Variants in EIF3B observed in about 807,000 individuals in gnomAD.
EIF3B encodes the protein eukaryotic translation initiation factor 3 subunit B.
A neutral mutation model predicts 104.6 loss-of-function variants in EIF3B; 10 were observed. That is an observed-to-expected ratio of 0.10 (90% CI 0.06 to 0.16). The LOEUF (loss-of-function observed/expected upper bound fraction) is 0.16, where lower values mean the gene tolerates loss of function less well. EIF3B is among the 10% of genes least tolerant of loss of function. EIF3B has a pLI of 1.00. For synonymous variants in EIF3B, 542 were observed against 417.2 expected (o/e 1.30, Z -3.65); for missense variants, 1,014 against 1,087.9 (o/e 0.93, Z 0.96).
intron 10 of EIF3B, among the ~76,000 whole-genome samples, chr7:2,371,486 C>T (rs183878726): frequency 6.6e-6 from 1 of 152,172 alleles, no homozygotes; most frequent in South Asian, 2.1e-4. Context: ...AGTGTGGACC[C>T]TGGGACTGCT....
At position 2,378,763 on chromosome 7, in the gene EIF3B, A is replaced by G; in HGVS notation, c.2229A>G (p.Ser743=). ...QKDRLSQSKA[S]KELVERRRTM... Reference sequence around the variant, plus strand: ...ATCGTTTGAGTCAGTCCAAAGCCTCAAAGGTGAGCCTCATTCCCAAAATGA... The same window carrying G: ...ATCGTTTGAGTCAGTCCAAAGCCTCGAAGGTGAGCCTCATTCCCAAAATGA... Residue 743 remains serine, a synonymous_variant, in exon 16 of 19, where the codon TCA becomes TCG. Transcript: ENST00000360876. 1 of 1,613,620 alleles carries G rather than the reference A, an allele frequency of 6.2e-7. No individual in the cohort carries two copies. The highest frequency in any genetic ancestry group is 8.5e-7 in the Non-Finnish European group (1 of 1,179,680).
rs201791942 is a variant in EIF3B at position 2,375,407 on chromosome 7, G to C, written c.1908G>C (p.Ala636=). 1 of 1,614,198 alleles carries C rather than the reference G, an allele frequency of 6.2e-7. No homozygotes were observed. Among genetic ancestry groups the C allele is most frequent in the East Asian group, 2.2e-5 (1 of 44,886 alleles). ...AGLRSMNGAL[A]FVDTSDCTVM... is the part of the protein sequence containing the mutation. ...TTTGCAGTATGAACGGTGCCTTAGC[G>C]TTTGTGGACACTTCGGACTGCACGG... The change falls in exon 14 of 19, where the codon GCG becomes GCC. Residue 636 remains alanine, a synonymous_variant. Transcript: ENST00000360876.
chr7:2,377,096 G>A (rs367729811), intron 15 of EIF3B, 21 bp downstream of exon 15: 31 of 1,596,638 alleles, frequency 1.9e-5, no homozygotes, highest in South Asian at 5.5e-5. Flanking sequence ...CCCCACCCCC[G>A]GGTGCAGGGC....
intron 10 of EIF3B, among the ~76,000 whole-genome samples, chr7:2,370,291 G>A (rs1343432975): frequency 6.6e-6 from 1 of 151,790 alleles, no homozygotes; most frequent in Non-Finnish European, 1.5e-5. Flanking sequence ...TCTGGCCAAC[G>A]TGGTGTGAAA....
intron 10 of EIF3B, among the ~76,000 whole-genome samples, chr7:2,370,699 G>A (rs912832393): frequency 3.3e-5 from 5 of 152,224 alleles, no homozygotes; most frequent in South Asian, 2.1e-4. Context: ...CCCCGGGGTG[G>A]GAGGGAGGAT....
At chr7:2,355,656 G>A (rs569434013) in intron 1 of EIF3B, among the ~76,000 whole-genome samples, 6 of 152,288 alleles carry the variant, frequency 3.9e-5, no homozygotes, top group African/African-American at 1.4e-4. Flanking sequence ...CTCACTTCGG[G>A]AGCCAGGCAT....
Position 2,366,989 on chromosome 7 carries a change from T to C in EIF3B, c.1357-10T>C, listed in dbSNP as rs1562483326. Reference sequence around the variant, plus strand: ...TTGACTCAACTGCAGCCTTCCTTTTTTTTGGGCAGTCTATGGGTCTTTTGG... The same window carrying C: ...TTGACTCAACTGCAGCCTTCCTTTTCTTTGGGCAGTCTATGGGTCTTTTGG... On this transcript the variant is annotated splice_polypyrimidine_tract_variant and intron_variant, in intron 8 of 18. Coordinates refer to ENST00000360876, the MANE Select transcript of EIF3B (RefSeq NM_001037283.2). 1.2e-6 allele frequency: 2 copies of C among 1,611,774 alleles called. No individual in the cohort carries two copies. Among genetic ancestry groups the C allele is most frequent in the Non-Finnish European group, 1.7e-6 (2 of 1,179,422 alleles).
chr7:2,378,862 GC>G, intron 16 of EIF3B, 96 bp downstream of exon 16: 1 of 1,122,446 alleles, frequency 8.9e-7, no homozygotes, highest in Non-Finnish European at 1.3e-6. Context: ...GCTCAGAGTT[GC>G]CTCTGCTCCG....
intron 10 of EIF3B, among the ~76,000 whole-genome samples, 181 bp downstream of exon 10, chr7:2,369,863 G>C (rs921969850): frequency 3.8e-4 from 50 of 132,130 alleles, no homozygotes; most frequent in African/African-American, 1.4e-3. Flanking sequence ...TGCAGTCTCT[G>C]CCTCCTGGTT....
At chr7:2,377,225 G>C in intron 15 of EIF3B, 150 bp downstream of exon 15, 1 of 1,128,458 alleles carries the variant, frequency 8.9e-7, no homozygotes. Flanking sequence ...CAGGAACAGT[G>C]AGAACTGAAT....
chr7:2,356,798 T>G (rs749759261), intron 1 of EIF3B, among the ~76,000 whole-genome samples: 5 of 151,738 alleles, frequency 3.3e-5, no homozygotes, highest in South Asian at 2.1e-4. Context: ...TCTCAAAAAG[T>G]GAAAAATTAA....
upstream of EIF3B, chr7:2,354,810 C>T (rs1779291143): frequency 1.0e-6 from 1 of 1,002,208 alleles, no homozygotes; most frequent in Non-Finnish European, 1.2e-6. Context: ...TTGGTGCGGC[C>T]TCCCCGTCGC....
chr7:2,371,201 A>G (rs566957816), intron 10 of EIF3B, among the ~76,000 whole-genome samples: 5 of 152,338 alleles, frequency 3.3e-5, no homozygotes, highest in African/African-American at 1.2e-4. Context: ...ATCGGATACT[A>G]TGCCACCTTC....
intron 9 of EIF3B, 58 bp from the exon 10 acceptor site, chr7:2,369,414 T>C (rs983746269): frequency 2.0e-5 from 32 of 1,564,998 alleles, no homozygotes; most frequent in African/African-American, 2.7e-5. Context: ...TCTCTTCTGC[T>C]TTTCAGTTTC....
chr7:2,354,909 C>G lies in EIF3B; in HGVS notation c.-13C>G. The G allele has an allele frequency of 3.4e-6, 4 of 1,187,956 alleles. No individual in the cohort carries two copies. Among genetic ancestry groups the G allele is most frequent in the Non-Finnish European group, 4.2e-6 (4 of 958,490 alleles). 73.6% of individuals were successfully genotyped at this position (1,187,956 alleles called of 1,614,324 possible). A position where few individuals can be genotyped will look rare whatever the true frequency, so the allele number is the denominator to read the frequency against. ...GCGGCCGCGGAGCCCTGCGAGTAGG[C>G]AGCGTTGGGCCCATGCAGGACGCGG... is the stretch of plus-strand genomic sequence containing the variant. On this transcript the variant is annotated 5_prime_UTR_variant, in exon 1 of 19. Coordinates refer to ENST00000360876, the MANE Select transcript of EIF3B (RefSeq NM_001037283.2).
chr7:2,354,782 G>T (rs1390319967), upstream of EIF3B: 1 of 825,830 alleles, frequency 1.2e-6, no homozygotes, highest in Non-Finnish European at 1.5e-6. Context: ...GCGTGGGTGC[G>T]CCCCCCGCCC....
chr7:2,367,136 G>A, intron 9 of EIF3B, 91 bp downstream of exon 9: 1 of 1,254,724 alleles, frequency 8.0e-7, no homozygotes, highest in Non-Finnish European at 1.1e-6. Context: ...ACCATAGGCT[G>A]GGTGGCTTAT....
chr7:2,362,495 C>G, intron 2 of EIF3B, 150 bp from the exon 3 acceptor site: 1 of 868,876 alleles, frequency 1.2e-6, no homozygotes, highest in Non-Finnish European at 1.8e-6. Flanking sequence ...TGGATCTGTC[C>G]CCCGTGTGAC....
At chr7:2,361,632 A>G (rs988692169) in intron 2 of EIF3B, among the ~76,000 whole-genome samples, 11 of 151,600 alleles carry the variant, frequency 7.3e-5, no homozygotes, top group African/African-American at 2.2e-4. Context: ...TGTTAGCCAG[A>G]ATGGTCTCGA....
Sources: allele counts gnomAD v4.1 joint callset (sites outside exome capture counted in the v4.1 genomes callset), GRCh38; gene constraint gnomAD v4.1.1; transcripts MANE v1.5; gene names NCBI Gene and HGNC (gene_info 2026-07-23, HGNC 2026-07-21).